FHIT: variants seen among roughly 807,000 people sequenced by gnomAD.
The protein encoded by FHIT is bis(5'-adenosyl)-triphosphatase.
FHIT carries 19 observed loss-of-function variants against 17.9 expected under a neutral mutation model. The ratio of observed to expected loss-of-function variants is 1.06; its 90% CI spans 0.74 to 1.56. FHIT has a LOEUF of 1.56. FHIT is among the 40% of genes most tolerant of loss of function. The probability of loss-of-function intolerance (pLI) is 0.00; values close to 1 mark genes in which losing one functional copy is unlikely to be tolerated. For synonymous variants in FHIT, 81 were observed against 69.7 expected (o/e 1.16, Z -0.81); for missense variants, 248 against 189.2 (o/e 1.31, Z -1.82).
At chr3:59,915,671 G>A (rs531553754) in intron 8 of FHIT, among the ~76,000 whole-genome samples, 4 of 152,292 alleles carry the variant, frequency 2.6e-5, no homozygotes, top group East Asian at 3.9e-4. Flanking sequence ...TGGGCACAGT[G>A]GCTCATGCCT....
chr3:60,278,720 C>A (rs200914594), intron 5 of FHIT, among the ~76,000 whole-genome samples: 8 of 148,224 alleles, frequency 5.4e-5, no homozygotes, highest in Admixed American at 6.7e-5. Flanking sequence ...AACCTCATAA[C>A]AAAAAAAAAA....
At chr3:60,074,435 C>G (rs1702916531) in intron 5 of FHIT, among the ~76,000 whole-genome samples, 1 of 151,980 alleles carries the variant, frequency 6.6e-6, no homozygotes, top group Non-Finnish European at 1.5e-5. Context: ...TTTTAAACTC[C>G]TTTGAAGAGC....
At chr3:61,193,790 G>T (rs901581311) in intron 2 of FHIT, among the ~76,000 whole-genome samples, 2 of 152,154 alleles carry the variant, frequency 1.3e-5, no homozygotes, top group Non-Finnish European at 2.9e-5. Context: ...GGGATGGAAA[G>T]GTGTGATACC....
intron 4 of FHIT, among the ~76,000 whole-genome samples, chr3:60,600,022 G>A (rs371119929): frequency 6.6e-6 from 1 of 152,046 alleles, no homozygotes; most frequent in African/African-American, 2.4e-5. Context: ...ATGGGGAAAG[G>A]GGAGATATAA....
chr3:60,949,226 A>G (rs561025604), intron 3 of FHIT, among the ~76,000 whole-genome samples: 1 of 152,038 alleles, frequency 6.6e-6, no homozygotes, highest in Non-Finnish European at 1.5e-5. Flanking sequence ...TACCACACCA[A>G]TGGTGGCAGG....
chr3:60,734,871 T>C (rs1221560278), intron 4 of FHIT, among the ~76,000 whole-genome samples: 1 of 152,196 alleles, frequency 6.6e-6, no homozygotes, highest in Non-Finnish European at 1.5e-5. Flanking sequence ...ATAAACAAAC[T>C]GTAAATGACT....
At chr3:61,000,377 C>G (rs1170114591) in intron 3 of FHIT, among the ~76,000 whole-genome samples, 1 of 152,152 alleles carries the variant, frequency 6.6e-6, no homozygotes, top group Non-Finnish European at 1.5e-5. Context: ...CTTAGACAAC[C>G]ATCATAATAC....
At chr3:59,759,766 T>C (rs1701411423) in intron 8 of FHIT, among the ~76,000 whole-genome samples, 1 of 152,094 alleles carries the variant, frequency 6.6e-6, no homozygotes, top group Non-Finnish European at 1.5e-5. Flanking sequence ...TATGTGCTGG[T>C]TACTGAGCAG....
chr3:60,570,658 A>T (rs2037342923), intron 4 of FHIT, among the ~76,000 whole-genome samples: 1 of 151,530 alleles, frequency 6.6e-6, no homozygotes. Flanking sequence ...ACCCAGAGTC[A>T]TATACTTCAG....
At chr3:60,530,035 A>G (rs2035717143) in intron 5 of FHIT, among the ~76,000 whole-genome samples, 1 of 152,096 alleles carries the variant, frequency 6.6e-6, no homozygotes, top group African/African-American at 2.4e-5. Flanking sequence ...TGACAGTTGA[A>G]TTTTTCTCCT....
At chr3:61,028,379 T>G (rs1575865935) in intron 3 of FHIT, among the ~76,000 whole-genome samples, 1 of 152,222 alleles carries the variant, frequency 6.6e-6, no homozygotes, top group East Asian at 1.9e-4. Flanking sequence ...ACAGCACTGA[T>G]AGATACAACG....
At chr3:60,577,762 G>C (rs2037618310) in intron 4 of FHIT, among the ~76,000 whole-genome samples, 1 of 152,060 alleles carries the variant, frequency 6.6e-6, no homozygotes, top group African/African-American at 2.4e-5. Context: ...ATGAAAATGA[G>C]ATGCTCTGTC....
intron 4 of FHIT, among the ~76,000 whole-genome samples, chr3:60,632,987 A>G (rs574527380): frequency 1.3e-5 from 2 of 152,300 alleles, no homozygotes; most frequent in Admixed American, 1.3e-4. Context: ...TGAGCAAAAG[A>G]GAACAGAGTA....
At chr3:60,963,574 T>C (rs561852989) in intron 3 of FHIT, among the ~76,000 whole-genome samples, 38 of 152,210 alleles carry the variant, frequency 2.5e-4, no homozygotes, top group African/African-American at 7.0e-4. Context: ...TTTAGTGCTA[T>C]AAATTTCCCT....
At chr3:60,043,636 A>G (rs1246449862) in intron 5 of FHIT, among the ~76,000 whole-genome samples, 4 of 151,796 alleles carry the variant, frequency 2.6e-5, no homozygotes, top group African/African-American at 7.3e-5. Context: ...ACTGCCCAGT[A>G]TATGTGTACA....
intron 4 of FHIT, among the ~76,000 whole-genome samples, chr3:60,569,749 A>ACATATG (rs2037298909): frequency 1.6e-5 from 1 of 62,788 alleles, no homozygotes; most frequent in Non-Finnish European, 3.2e-5. Flanking sequence ...ATATATATAT[A>ACATATG]TATATATTTT....
At chr3:61,080,833 A>G (rs2035113942) in intron 2 of FHIT, among the ~76,000 whole-genome samples, 1 of 147,782 alleles carries the variant, frequency 6.8e-6, no homozygotes, top group Non-Finnish European at 1.5e-5. Flanking sequence ...CCACAGCAGG[A>G]AAAAAAAAAA....
intron 8 of FHIT, among the ~76,000 whole-genome samples, chr3:59,895,773 C>T (rs879338131): frequency 2.6e-5 from 4 of 152,176 alleles, no homozygotes; most frequent in African/African-American, 7.2e-5. Flanking sequence ...CTGTTAAAGG[C>T]GTTAATCAGA....
At chr3:60,894,967 G>A (rs1175165743) in intron 3 of FHIT, among the ~76,000 whole-genome samples, 1 of 152,138 alleles carries the variant, frequency 6.6e-6, no homozygotes, top group African/African-American at 2.4e-5. Flanking sequence ...ATCAAAATCA[G>A]GGACTTTAAC....
Sources: gnomAD v4.1 joint callset for allele counts (sites outside exome capture counted in the v4.1 genomes callset) on GRCh38, gnomAD v4.1.1 for gene constraint, MANE v1.5 for transcripts, NCBI Gene and HGNC (gene_info 2026-07-23, HGNC 2026-07-21) for gene names.